PDE10A: variants seen among roughly 807,000 people sequenced by gnomAD.
PDE10A encodes the protein cAMP and cAMP-inhibited cGMP 3',5'-cyclic phosphodiesterase 10A.
PDE10A carries 39 observed loss-of-function variants against 97.7 expected under a neutral mutation model. That is an observed-to-expected ratio of 0.40 (90% CI 0.31 to 0.52). PDE10A has a LOEUF of 0.52. Ranked by LOEUF, PDE10A falls within the 20% of genes least tolerant of loss-of-function variation. PDE10A has a pLI of 0.56. For synonymous variants in PDE10A, 371 were observed against 376.8 expected (o/e 0.98, Z 0.18); for missense variants, 731 against 1,047.8 (o/e 0.70, Z 4.17).
chr6:165,560,752 G>T (rs1295002154), intron 1 of PDE10A, among the ~76,000 whole-genome samples: 2 of 152,190 alleles, frequency 1.3e-5, no homozygotes, highest in Non-Finnish European at 2.9e-5. Context: ...GTAAGCACAA[G>T]CCCAGGGGAG....
chr6:165,627,967 T>TA lies in PDE10A; in HGVS notation c.865+33979dup, dbSNP rs1788462133. 4.6e-5 allele frequency among the ~76,000 whole-genome samples: 7 copies of TA among 152,358 alleles called. 1 individual carries two copies. The highest frequency in any genetic ancestry group is 4.6e-4 in the Admixed American group (7 of 15,310). ...ATTTGAAAGCAATTTATTCTTACTT[T>TA]ACACATAATTGTGACACCTTGGGGC... is the stretch of plus-strand genomic sequence containing the variant. On this transcript the variant is annotated intron_variant, in intron 1 of 21. Transcript: ENST00000539869.
intron 1 of PDE10A, among the ~76,000 whole-genome samples, chr6:165,574,430 T>A (rs1785203699): frequency 6.6e-6 from 1 of 152,146 alleles, no homozygotes; most frequent in Non-Finnish European, 1.5e-5. Flanking sequence ...TGAGTGGAGC[T>A]CAGTCACACC....
intron 1 of PDE10A, among the ~76,000 whole-genome samples, chr6:165,703,336 G>C (rs545638450): frequency 2.7e-4 from 41 of 152,262 alleles, no homozygotes; most frequent in African/African-American, 9.1e-4. Flanking sequence ...TTCATATAGA[G>C]AGTGGGAATA....
intron 13 of PDE10A, among the ~76,000 whole-genome samples, chr6:165,404,575 G>A (rs1212465575): frequency 6.6e-6 from 1 of 151,932 alleles, no homozygotes; most frequent in African/African-American, 2.4e-5. Flanking sequence ...AAAGCCTGGG[G>A]CACATGGAAA....
intron 13 of PDE10A, among the ~76,000 whole-genome samples, chr6:165,397,155 T>C (rs1419451440): frequency 6.6e-6 from 1 of 152,206 alleles, no homozygotes; most frequent in Non-Finnish European, 1.5e-5. Flanking sequence ...TATCTGTATC[T>C]GTGTGCAAAT....
intron 1 of PDE10A, among the ~76,000 whole-genome samples, chr6:165,977,232 C>T (rs1180155123): frequency 1.3e-5 from 2 of 152,142 alleles, no homozygotes; most frequent in Non-Finnish European, 2.9e-5. Context: ...CACAATAGCA[C>T]GAAAAAGCAG....
chr6:165,980,121 C>T (rs1331512838), intron 1 of PDE10A, among the ~76,000 whole-genome samples: 3 of 152,208 alleles, frequency 2.0e-5, no homozygotes, highest in Non-Finnish European at 4.4e-5. Context: ...AATCACCCTA[C>T]AGCTGGGACT....
At chr6:165,976,321 G>A (rs1178464930) in intron 1 of PDE10A, among the ~76,000 whole-genome samples, 2 of 152,082 alleles carry the variant, frequency 1.3e-5, no homozygotes, top group Non-Finnish European at 2.9e-5. Flanking sequence ...GTAAAATCAG[G>A]CCTCTCACCA....
chr6:165,332,970 C>A lies in PDE10A; in HGVS notation c.*55G>T. On this transcript the variant is annotated 3_prime_UTR_variant, in exon 22 of 22. Coordinates refer to ENST00000539869, the MANE Select transcript of PDE10A (RefSeq NM_001385079.1). ...CCCCCCAAAAAAAGGAAAAGAATGTCAAAGAAGCAAGATGAGGATCTGTAG... is the reference window on the plus strand; with the variant it reads ...CCCCCCAAAAAAAGGAAAAGAATGTAAAAGAAGCAAGATGAGGATCTGTAG... The A allele has an allele frequency of 1.6e-5, 9 of 574,846 alleles. No homozygotes were observed. The highest frequency in any genetic ancestry group is 4.5e-5 in the South Asian group (3 of 66,458). The allele number at this position is 574,846 out of a possible 1,614,324, so 35.6% of individuals were successfully genotyped here.
intron 1 of PDE10A, among the ~76,000 whole-genome samples, chr6:165,933,467 C>T (rs910743212): frequency 6.6e-6 from 1 of 152,140 alleles, no homozygotes; most frequent in African/African-American, 2.4e-5. Flanking sequence ...TCAAGCCAGT[C>T]GATCTTTTAT....
intron 1 of PDE10A, among the ~76,000 whole-genome samples, chr6:165,836,627 C>A (rs144521355): frequency 6.6e-6 from 1 of 152,196 alleles, no homozygotes; most frequent in African/African-American, 2.4e-5. Context: ...GTGACCTCTG[C>A]GGTCAGTGAT....
At chr6:165,416,723 C>T (rs948513139) in intron 11 of PDE10A, among the ~76,000 whole-genome samples, 3 of 152,172 alleles carry the variant, frequency 2.0e-5, no homozygotes, top group South Asian at 4.1e-4. Flanking sequence ...TCTCTACCAT[C>T]GTGCTTTCTA....
At chr6:165,568,251 G>A (rs552346713) in intron 1 of PDE10A, among the ~76,000 whole-genome samples, 25 of 152,006 alleles carry the variant, frequency 1.6e-4, no homozygotes, top group Middle Eastern at 3.4e-3. Flanking sequence ...CGCCCGCCTC[G>A]GCCTCCCAAA....
intron 1 of PDE10A, among the ~76,000 whole-genome samples, chr6:165,773,847 T>C (rs148666023): frequency 1.2e-4 from 19 of 152,216 alleles, no homozygotes; most frequent in South Asian, 6.2e-4. Flanking sequence ...TAGGGTGTCA[T>C]TTACAATGGT....
chr6:165,661,159 C>G lies in PDE10A; in HGVS notation c.865+788G>C, dbSNP rs1477941434. The G allele has an allele frequency of 1.3e-5, 2 of 152,964 alleles. No individual in the cohort carries two copies. The highest frequency in any genetic ancestry group is 4.8e-5 in the African/African-American group (2 of 41,592). 9.5% of individuals were successfully genotyped at this position (152,964 alleles called of 1,614,324 possible). On this transcript the variant is annotated intron_variant, in intron 1 of 21. Transcript: ENST00000539869. The surrounding 1 kb of genome is among the most constrained non-coding windows in gnomAD (Gnocchi z 4.8). ...CTCTCGGCCCCGCGCCCGCGGGTGG[C>G]GAGGAGGAGTGGCCACGCCACAGTG...
intron 1 of PDE10A, among the ~76,000 whole-genome samples, chr6:165,721,820 A>G (rs929189356): frequency 6.6e-6 from 1 of 152,222 alleles, no homozygotes; most frequent in Admixed American, 6.5e-5. Context: ...ATAAAAATAT[A>G]TAGTCTAATA....
chr6:165,970,014 G>A (rs1006870088), intron 1 of PDE10A, among the ~76,000 whole-genome samples: 2 of 152,174 alleles, frequency 1.3e-5, no homozygotes, highest in African/African-American at 4.8e-5. Context: ...TGACCAAGTG[G>A]TCAAAGTAAA....
At chr6:165,379,169 C>T (rs769584912) in intron 18 of PDE10A, 25 bp downstream of exon 18, 13 of 1,529,206 alleles carry the variant, frequency 8.5e-6, no homozygotes, top group Non-Finnish European at 1.2e-5. Context: ...TTCTGGGCTT[C>T]TAAGCTTTTA....
intron 1 of PDE10A, among the ~76,000 whole-genome samples, chr6:165,848,434 C>G (rs1191775750): frequency 6.6e-6 from 1 of 152,166 alleles, no homozygotes; most frequent in African/African-American, 2.4e-5. Context: ...GAAGGTTTTC[C>G]AGAGAAGGCA....
Sources: gnomAD v4.1 joint callset for allele counts (sites outside exome capture counted in the v4.1 genomes callset) on GRCh38, gnomAD v4.1.1 for gene constraint, Gnocchi (gnomAD v3.1) non-coding constraint, MANE v1.5 for transcripts, NCBI Gene and HGNC (gene_info 2026-07-23, HGNC 2026-07-21) for gene names.